LMBRD1: variants seen among roughly 807,000 people sequenced by gnomAD.
The protein encoded by LMBRD1 is lysosomal cobalamin transport escort protein LMBD1.
A neutral mutation model predicts 74.8 loss-of-function variants in LMBRD1; 64 were observed. That is an observed-to-expected ratio of 0.86 (90% CI 0.70 to 1.05). LMBRD1 has a LOEUF of 1.05. Ranked by LOEUF, LMBRD1 falls within the 50% of genes least tolerant of loss-of-function variation. The probability of loss-of-function intolerance (pLI) is 0.00; values close to 1 mark genes in which losing one functional copy is unlikely to be tolerated. For synonymous variants in LMBRD1, 204 were observed against 216.3 expected, an observed-to-expected ratio of 0.94 and a Z score of 0.50; for missense variants, 652 against 645.9, an observed-to-expected ratio of 1.01 and a Z score of -0.10.
In LMBRD1 at chr6:69,744,743, A is replaced by G. The variant is rs117156208; in HGVS notation, c.474-2866T>C. Among the ~76,000 whole-genome samples the G allele has an allele frequency of 6.6e-5, 10 of 152,276 alleles. No individual in the cohort carries two copies. In the East Asian group the frequency reaches 1.5e-3, roughly 23 times the overall value. On this transcript the variant is annotated intron_variant, in intron 5 of 15. Transcript: ENST00000649934. Reference sequence around the variant, plus strand: ...GTAGTTCCAATGCTCACCTGAACTTATATAATGGCTACTTAACTGATCTTC... The same window carrying G: ...GTAGTTCCAATGCTCACCTGAACTTGTATAATGGCTACTTAACTGATCTTC...
intron 7 of LMBRD1, among the ~76,000 whole-genome samples, chr6:69,736,337 C>A (rs1766976801): frequency 6.6e-6 from 1 of 152,132 alleles, no homozygotes; most frequent in South Asian, 2.1e-4. Flanking sequence ...AAAGATTCAG[C>A]TTCCCTAAGC....
At chr6:69,686,338 A>AG (rs1765763296) in intron 14 of LMBRD1, among the ~76,000 whole-genome samples, 1 of 119,068 alleles carries the variant, frequency 8.4e-6, no homozygotes, top group Non-Finnish European at 2.1e-5. Context: ...TACATACCAC[A>AG]TCACAGCTAC....
At chr6:69,749,228 C>CT in intron 5 of LMBRD1, 113 bp downstream of exon 5, 1 of 836,822 alleles carries the variant, frequency 1.2e-6, no homozygotes, top group East Asian at 2.7e-5. Flanking sequence ...GTGGATTGTT[C>CT]TTTTTTCTTA....
intron 3 of LMBRD1, among the ~76,000 whole-genome samples, chr6:69,753,301 A>G (rs900905651): frequency 6.6e-6 from 1 of 152,244 alleles, no homozygotes; most frequent in African/African-American, 2.4e-5. Context: ...GTACATATTC[A>G]TGAAACATAA....
At chr6:69,719,418 A>G (rs777306268) in intron 7 of LMBRD1, among the ~76,000 whole-genome samples, 2 of 152,184 alleles carry the variant, frequency 1.3e-5, no homozygotes, top group African/African-American at 2.4e-5. Flanking sequence ...ATTTAAAAAA[A>G]TGATTTTCTA....
intron 3 of LMBRD1, among the ~76,000 whole-genome samples, chr6:69,775,895 A>G (rs1765688258): frequency 6.6e-6 from 1 of 152,246 alleles, no homozygotes; most frequent in African/African-American, 2.4e-5. Flanking sequence ...ATGAACAGTG[A>G]GACTATCACT....
intron 3 of LMBRD1, among the ~76,000 whole-genome samples, chr6:69,758,148 AAATT>A (rs1765306275): frequency 1.3e-5 from 2 of 152,190 alleles, no homozygotes; most frequent in Non-Finnish European, 2.9e-5. Flanking sequence ...ACTCACATGA[AAATT>A]AACTTGGATA....
At chr6:69,785,333 A>G (rs936237277) in intron 2 of LMBRD1, among the ~76,000 whole-genome samples, 5 of 152,192 alleles carry the variant, frequency 3.3e-5, no homozygotes, top group East Asian at 1.9e-4. Flanking sequence ...TAGTCAGTCC[A>G]TAACTGTAGA....
intron 1 of LMBRD1, 82 bp downstream of exon 1, chr6:69,796,731 C>T (rs1226740314): frequency 5.4e-5 from 71 of 1,309,984 alleles, no homozygotes; most frequent in South Asian, 7.4e-5. Context: ...GTCTCCGGGG[C>T]CCGGAGAGGC....
In LMBRD1 at chr6:69,740,330, C is replaced by CA. The variant is rs199881484; in HGVS notation, c.562+1458dup. Among the ~76,000 whole-genome samples the CA allele has an allele frequency of 5.0e-4, 76 of 151,986 alleles. 1 individual carries two copies. The East Asian group carries it at 0.012, about 25-fold the overall frequency. On this transcript the variant is annotated intron_variant, in intron 6 of 15. Transcript: ENST00000649934. ...ATAAAGACTAAAGAGAATGGAATTA[C>CA]AAAAAACAGAATAATGCTACCTATC...
At chr6:69,676,311 A>G in intron 15 of LMBRD1, 40 bp from the exon 16 acceptor site, 1 of 1,599,558 alleles carries the variant, frequency 6.3e-7, no homozygotes, top group Non-Finnish European at 8.5e-7. Context: ...TTTCAAATTT[A>G]AAATCATCTG....
chr6:69,691,891 A>AG (rs1765889872), intron 14 of LMBRD1, among the ~76,000 whole-genome samples: 2 of 151,366 alleles, frequency 1.3e-5, no homozygotes, highest in Admixed American at 6.6e-5. Context: ...AAAAAAAAAA[A>AG]AAAAAGAAAG....
chr6:69,698,661 G>A (rs1310229813), intron 13 of LMBRD1, among the ~76,000 whole-genome samples: 1 of 151,854 alleles, frequency 6.6e-6, no homozygotes, highest in Admixed American at 6.6e-5. Context: ...GCCTCTTCTA[G>A]GGGATTCATA....
intron 6 of LMBRD1, among the ~76,000 whole-genome samples, chr6:69,738,743 T>G (rs963451688): frequency 1.3e-5 from 2 of 152,108 alleles, no homozygotes; most frequent in Non-Finnish European, 2.9e-5. Context: ...TAAAATACTA[T>G]GCAAATTTGA....
chr6:69,790,183 T>G (rs1473633937), intron 2 of LMBRD1, 113 bp downstream of exon 2: 6 of 756,282 alleles, frequency 7.9e-6, no homozygotes, highest in African/African-American at 7.0e-5. Context: ...CTATGTTGTA[T>G]TTCCATTCTC....
chr6:69,679,056 A>AAG (rs1475577742), intron 14 of LMBRD1, among the ~76,000 whole-genome samples: 7 of 131,800 alleles, frequency 5.3e-5, no homozygotes, highest in African/African-American at 1.0e-4. Flanking sequence ...AAAAAAAAAA[A>AAG]CAAAAACAAA....
chr6:69,701,627 C>T, intron 10 of LMBRD1, 82 bp from the exon 11 acceptor site: 5 of 823,132 alleles, frequency 6.1e-6, no homozygotes, highest in Non-Finnish European at 8.1e-6. Flanking sequence ...TTTAAGCATG[C>T]AAATACACCT....
chr6:69,699,323 A>G (rs1766077582), intron 12 of LMBRD1, 131 bp from the exon 13 acceptor site: 1 of 775,292 alleles, frequency 1.3e-6, no homozygotes, highest in African/African-American at 1.7e-5. Flanking sequence ...GTAAATACTA[A>G]AAGTTCTTAA....
chr6:69,773,214 T>C (rs1459932987), intron 3 of LMBRD1, among the ~76,000 whole-genome samples: 1 of 152,178 alleles, frequency 6.6e-6, no homozygotes, highest in East Asian at 1.9e-4. Flanking sequence ...TTAATGTCAC[T>C]ATCATCTGAG....
Sources: allele counts gnomAD v4.1 joint callset (sites outside exome capture counted in the v4.1 genomes callset), GRCh38; gene constraint gnomAD v4.1.1; transcripts MANE v1.5; gene names NCBI Gene and HGNC (gene_info 2026-07-23, HGNC 2026-07-21).